The following FRMPD1 variants were observed in gnomAD, a reference collection of about 807,000 sequenced individuals.
FRMPD1 encodes the protein FERM and PDZ domain containing 1, also known as FERM and PDZ domain-containing protein 1.
A neutral mutation model predicts 117.8 loss-of-function variants in FRMPD1; 76 were observed. The observed-to-expected ratio is 0.65, with a 90% CI of 0.54 to 0.78. FRMPD1 has a LOEUF of 0.78. Ranked by LOEUF, FRMPD1 falls within the 30% of genes least tolerant of loss-of-function variation. The probability of loss-of-function intolerance (pLI) is 0.00; values close to 1 mark genes in which losing one functional copy is unlikely to be tolerated. For missense variants in FRMPD1, 1,786 were observed against 1,964.5 expected, an observed-to-expected ratio of 0.91 and a Z score of 1.72; for synonymous variants, 783 against 770.4, an observed-to-expected ratio of 1.02 and a Z score of -0.27.
the FRMPD1 span, among the ~76,000 whole-genome samples, chr9:37,619,831 T>C: frequency 6.6e-6 from 1 of 151,970 alleles, no homozygotes; most frequent in African/African-American, 2.4e-5. Flanking sequence ...CCGTATAGTC[T>C]TGGTGGATTA....
the FRMPD1 span, among the ~76,000 whole-genome samples, chr9:37,609,648 C>G: frequency 6.6e-6 from 1 of 152,180 alleles, no homozygotes; most frequent in Non-Finnish European, 1.5e-5. Context: ...CCCTTCAAGT[C>G]TGTTCATCAT....
chr9:37,737,795 C>G (rs1213043470), intron 14 of FRMPD1, among the ~76,000 whole-genome samples: 2 of 148,072 alleles, frequency 1.4e-5, no homozygotes, highest in Non-Finnish European at 3.0e-5. Context: ...TGCACTCCAG[C>G]CTGGGCAACA....
chr9:37,713,583 GTA>G (rs112398852), intron 5 of FRMPD1, among the ~76,000 whole-genome samples: 2,872 of 148,688 alleles, frequency 0.019, 85 homozygotes, highest in African/African-American at 0.064. Context: ...AGGTGAGACC[GTA>G]TATATATATA....
At chr9:37,667,223 C>T (rs555025796) in intron 1 of FRMPD1, among the ~76,000 whole-genome samples, 19 of 151,630 alleles carry the variant, frequency 1.3e-4, no homozygotes, top group African/African-American at 4.6e-4. Context: ...CACCACCAAG[C>T]CCAGCTATTT....
intron 2 of FRMPD1, 113 bp from the exon 3 acceptor site, chr9:37,707,303 A>G (rs1294787408): frequency 2.6e-6 from 2 of 755,910 alleles, no homozygotes; most frequent in Non-Finnish European, 4.3e-6. Context: ...CAAGAGGAGA[A>G]TTGGTGTCTG....
intron 1 of FRMPD1, among the ~76,000 whole-genome samples, chr9:37,690,725 T>C (rs1209153075): frequency 2.6e-5 from 4 of 152,208 alleles, no homozygotes; most frequent in Non-Finnish European, 5.9e-5. Flanking sequence ...TGTTTTGTGT[T>C]GCTATATAAT....
At position 37,746,006 on chromosome 9, in the gene FRMPD1, T is replaced by C; in HGVS notation, c.3974T>C (p.Val1325Ala). Reference sequence around the variant, plus strand: ...GGTTTTGCAGGCATGAATGAGATGGTGGCTCCCAGGATAGGGATGGACCAG... The same window carrying C: ...GGTTTTGCAGGCATGAATGAGATGGCGGCTCCCAGGATAGGGATGGACCAG... ...SLGFAGMNEM[V>A]APRIGMDQCS... Residue 1325 changes from valine (V) to alanine (A), a missense_variant, in exon 16 of 16, where the codon GTG becomes GCG. Coordinates refer to ENST00000377765, the MANE Select transcript of FRMPD1 (RefSeq NM_014907.3). The C allele has an allele frequency of 6.2e-7, 1 of 1,614,220 alleles. No homozygotes were observed. The highest frequency in any genetic ancestry group is 8.5e-7 in the Non-Finnish European group (1 of 1,180,024).
rs764744491 is a variant in FRMPD1, at chr9:37,711,410, A to G, written c.408+15A>G. The stretch of plus-strand genomic sequence containing the variant: ...GCTGCACGTCGGTAAATCTCTTTCT[A>G]TGTCCTGTGTGTTAGTTTCACCATT... On this transcript the variant is annotated intron_variant, in intron 5 of 15. Transcript: ENST00000377765. 5.7e-6 allele frequency: 9 copies of G among 1,580,836 alleles called. No homozygotes were observed. In the South Asian group the frequency reaches 8.8e-5, roughly 16 times the overall value.
Position 37,735,675 on chromosome 9 carries a change from G to C in FRMPD1, c.1342G>C (p.Glu448Gln). 6.2e-7 allele frequency: 1 copy of C among 1,614,060 alleles called. No homozygotes were observed. The highest frequency in any genetic ancestry group is 8.5e-7 in the Non-Finnish European group (1 of 1,179,948). Residue 448 changes from glutamate (E) to glutamine (Q), a missense_variant, in exon 13 of 16, where the codon GAG becomes CAG. Transcript: ENST00000377765. Reference protein sequence around the residue: ...LAEFANISRVELTEESEKVSV... With the variant: ...LAEFANISRVQLTEESEKVSV... ...AGAGTTTGCAAACATCAGCCGTGTAGAGCTAACGGAAGAGTCTGAGAAAGT... is the reference window on the plus strand; with the variant it reads ...AGAGTTTGCAAACATCAGCCGTGTACAGCTAACGGAAGAGTCTGAGAAAGT...
chr9:37,641,041 C>T, the FRMPD1 span, among the ~76,000 whole-genome samples: 7 of 152,190 alleles, frequency 4.6e-5, no homozygotes. Context: ...GCATGCACCA[C>T]CAGGCCTAGC....
intron 1 of FRMPD1, among the ~76,000 whole-genome samples, chr9:37,654,790 G>T (rs927551109): frequency 6.6e-6 from 1 of 152,176 alleles, no homozygotes; most frequent in Non-Finnish European, 1.5e-5. Context: ...TTATCGGGGA[G>T]ACTCAAGAGC....
chr9:37,673,309 A>G (rs934214650), intron 1 of FRMPD1, among the ~76,000 whole-genome samples: 2 of 152,174 alleles, frequency 1.3e-5, no homozygotes, highest in Admixed American at 6.5e-5. Context: ...CTCCAAAATG[A>G]TCTCCTTTGA....
chr9:37,655,771 G>A (rs1820824148), intron 1 of FRMPD1, among the ~76,000 whole-genome samples: 1 of 151,986 alleles, frequency 6.6e-6, no homozygotes, highest in African/African-American at 2.4e-5. Context: ...CCAAAGTGCT[G>A]AGATTACAGG....
chr9:37,743,035 G>T (rs1366610268), intron 15 of FRMPD1, among the ~76,000 whole-genome samples: 2 of 152,228 alleles, frequency 1.3e-5, no homozygotes, highest in African/African-American at 2.4e-5. Flanking sequence ...GGTTAGAAAT[G>T]ACTGGTCTGA....
chr9:37,715,514 T>C (rs1823080971), intron 5 of FRMPD1, among the ~76,000 whole-genome samples: 1 of 152,222 alleles, frequency 6.6e-6, no homozygotes, highest in Non-Finnish European at 1.5e-5. Flanking sequence ...CTTTTAAACA[T>C]TAACTCTTAG....
chr9:37,744,262 T>A (rs544975202), intron 15 of FRMPD1, 127 bp from the exon 16 acceptor site: 3 of 647,480 alleles, frequency 4.6e-6, no homozygotes, highest in East Asian at 5.1e-5. Flanking sequence ...AGATCAGGAT[T>A]GAACTTGCTC....
At chr9:37,668,992 T>C (rs1821258085) in intron 1 of FRMPD1, among the ~76,000 whole-genome samples, 1 of 152,200 alleles carries the variant, frequency 6.6e-6, no homozygotes, top group Non-Finnish European at 1.5e-5. Context: ...GACTTTCACG[T>C]TGAATAAATC....
the FRMPD1 span, among the ~76,000 whole-genome samples, chr9:37,605,452 T>C: frequency 6.6e-6 from 1 of 152,132 alleles, no homozygotes; most frequent in Admixed American, 6.5e-5. Context: ...AGCAGCCTGG[T>C]CATTCCATAG....
In FRMPD1 at chr9:37,705,960, A is replaced by AAAATAAATAAAT. The variant is rs59737991; in HGVS notation, c.102-1424_102-1413dup. 6.3e-3 allele frequency among the ~76,000 whole-genome samples: 883 copies of AAAATAAATAAAT among 139,088 alleles called. 5 individuals carry two copies. The highest frequency in any genetic ancestry group is 0.012 in the South Asian group (51 of 4,130). The allele number at this position is 139,088 out of a possible 152,430, so 91.2% of individuals were successfully genotyped here. On this transcript the variant is annotated intron_variant, in intron 2 of 15. Coordinates refer to ENST00000377765, the MANE Select transcript of FRMPD1 (RefSeq NM_014907.3). ...GAGTGACAGAGTAAAACCCTCCCTCAAAATAAATAAATAAATAAATAAATA... is the reference window on the plus strand; with the variant it reads ...GAGTGACAGAGTAAAACCCTCCCTCAAAATAAATAAATAAATAAATAAATAAATAAATAAATA...
Sources: allele counts gnomAD v4.1 joint callset (sites outside exome capture counted in the v4.1 genomes callset), GRCh38; gene constraint gnomAD v4.1.1; transcripts MANE v1.5; gene names NCBI Gene and HGNC (gene_info 2026-07-23, HGNC 2026-07-21).